Variants in TINAG observed in about 807,000 individuals in gnomAD.
The protein encoded by TINAG is tubulointerstitial nephritis antigen.
In TINAG, 83 loss-of-function variants were observed where a neutral mutation model predicts 72.7. The observed-to-expected ratio is 1.14, with a 90% CI of 0.96 to 1.37. The LOEUF (loss-of-function observed/expected upper bound fraction) is 1.37. Among genes scored for constraint, TINAG ranks in the 40% most tolerant of loss-of-function variants. The pLI is 0.00. For missense variants in TINAG, 685 were observed against 576.6 expected, an observed-to-expected ratio of 1.19 and a Z score of -1.93; for synonymous variants, 234 against 189.9, an observed-to-expected ratio of 1.23 and a Z score of -1.91.
chr6:54,313,151 T>G (rs1353707), intron 1 of TINAG, among the ~76,000 whole-genome samples: 66,501 of 152,034 alleles, frequency 0.44, 16,108 homozygotes, highest in Middle Eastern at 0.58. Flanking sequence ...ACGTTTAAAA[T>G]TAGCATCTTA....
chr6:54,337,865 A>T (rs1407724356), intron 4 of TINAG, among the ~76,000 whole-genome samples: 2 of 152,124 alleles, frequency 1.3e-5, no homozygotes, highest in Non-Finnish European at 2.9e-5. Flanking sequence ...GTTACGGTGG[A>T]GACTGTGTTT....
At chr6:54,353,145 C>T (rs1317579968) in intron 8 of TINAG, among the ~76,000 whole-genome samples, 3 of 151,756 alleles carry the variant, frequency 2.0e-5, no homozygotes, top group Non-Finnish European at 4.4e-5. Context: ...AAGAAGCCAT[C>T]TTTCAGGTAA....
chr6:54,307,988 G>A, upstream of TINAG: 1 of 1,517,132 alleles, frequency 6.6e-7, no homozygotes, highest in East Asian at 2.5e-5. Flanking sequence ...GAGTACAGAT[G>A]GGAAATCAAA....
At chr6:54,370,527 TTGAG>T (rs1301401040) in intron 9 of TINAG, among the ~76,000 whole-genome samples, 1 of 152,082 alleles carries the variant, frequency 6.6e-6, no homozygotes, top group Non-Finnish European at 1.5e-5. Context: ...ACAAATTTTA[TTGAG>T]TGATGGTTGT....
At chr6:54,367,933 A>T (rs1243428525) in intron 9 of TINAG, among the ~76,000 whole-genome samples, 2 of 151,702 alleles carry the variant, frequency 1.3e-5, no homozygotes, top group African/African-American at 4.8e-5. Context: ...GGAGCTCTCT[A>T]TGGTGTCCTT....
intron 9 of TINAG, among the ~76,000 whole-genome samples, chr6:54,375,703 G>A (rs1194131959): frequency 6.6e-6 from 1 of 152,116 alleles, no homozygotes; most frequent in African/African-American, 2.4e-5. Context: ...TGCCCTAGAT[G>A]TTTAGGATAC....
intron 5 of TINAG, among the ~76,000 whole-genome samples, 175 bp downstream of exon 5, chr6:54,343,524 A>G (rs1263853038): frequency 2.7e-5 from 4 of 146,658 alleles, no homozygotes; most frequent in Non-Finnish European, 6.0e-5. Context: ...ATCCATTTTT[A>G]GTCTAAAAGT....
At chr6:54,327,959 A>G (rs1784647435) in intron 4 of TINAG, among the ~76,000 whole-genome samples, 1 of 152,194 alleles carries the variant, frequency 6.6e-6, no homozygotes, top group South Asian at 2.1e-4. Flanking sequence ...GAAAGGCAGC[A>G]GCTCCAGTCA....
At chr6:54,368,464 T>C (rs182438224) in intron 9 of TINAG, among the ~76,000 whole-genome samples, 113 of 150,616 alleles carry the variant, frequency 7.5e-4, no homozygotes, top group African/African-American at 2.6e-3. Flanking sequence ...GGTGAAGATC[T>C]AATTTTTTTC....
chr6:54,378,210 A>G (rs1052920441), intron 9 of TINAG, among the ~76,000 whole-genome samples: 1 of 152,168 alleles, frequency 6.6e-6, no homozygotes, highest in South Asian at 2.1e-4. Flanking sequence ...TGAATTTTGC[A>G]TAAAGGTTAA....
chr6:54,313,915 T>C lies in TINAG; in HGVS notation c.355+5010T>C, dbSNP rs192365026. 1.2e-4 allele frequency among the ~76,000 whole-genome samples: 18 copies of C among 152,256 alleles called. No homozygotes were observed. In the East Asian group the frequency reaches 1.4e-3, roughly 11 times the overall value. Reference sequence around the variant, plus strand: ...TTGGATGTTGGAATATCAACAGGAGTAATCGATAGTATTTAAAACTTTTTA... The same window carrying C: ...TTGGATGTTGGAATATCAACAGGAGCAATCGATAGTATTTAAAACTTTTTA... On this transcript the variant is annotated intron_variant, in intron 1 of 10. Transcript: ENST00000259782.
intron 9 of TINAG, chr6:54,366,989 A>G (rs1292476057): frequency 6.6e-6 from 1 of 151,688 alleles, no homozygotes; most frequent in East Asian, 1.9e-4. Context: ...TCTTCTATTT[A>G]ATGATGACTA....
At chr6:54,363,061 A>G (rs1380634595) in intron 9 of TINAG, among the ~76,000 whole-genome samples, 1 of 151,540 alleles carries the variant, frequency 6.6e-6, no homozygotes, top group Non-Finnish European at 1.5e-5. Flanking sequence ...CTGAGCTGGG[A>G]TTTATGGGTT....
At chr6:54,358,534 CA>C (rs34091915) in intron 9 of TINAG, among the ~76,000 whole-genome samples, 19,322 of 112,784 alleles carry the variant, frequency 0.17, 1,382 homozygotes, top group Non-Finnish European at 0.23. Flanking sequence ...AGTTATTCGT[CA>C]AAAAAAAAAA....
At chr6:54,365,830 T>C (rs1582745621) in intron 9 of TINAG, among the ~76,000 whole-genome samples, 2 of 151,672 alleles carry the variant, frequency 1.3e-5, no homozygotes, top group Non-Finnish European at 1.5e-5. Flanking sequence ...TGTTCTCTCT[T>C]TAGAGAGTCT....
intron 7 of TINAG, among the ~76,000 whole-genome samples, chr6:54,350,860 G>A (rs1036606948): frequency 6.6e-6 from 1 of 151,558 alleles, no homozygotes; most frequent in African/African-American, 2.4e-5. Flanking sequence ...TAGGTGCAGG[G>A]TCAATATTTG....
At chr6:54,384,081 T>A (rs1191002829) in intron 10 of TINAG, among the ~76,000 whole-genome samples, 1 of 152,108 alleles carries the variant, frequency 6.6e-6, no homozygotes, top group African/African-American at 2.4e-5. Flanking sequence ...GAAACCATCA[T>A]TCTCAGCAAA....
In TINAG at chr6:54,314,038, T is replaced by A. The variant is rs184744184; in HGVS notation, c.355+5133T>A. 8.5e-5 allele frequency among the ~76,000 whole-genome samples: 13 copies of A among 152,254 alleles called. No individual in the cohort carries two copies. The East Asian group carries it at 2.3e-3, about 27-fold the overall frequency. ...TTAGGATCTACATGGGTAAGGAGAC[T>A]TAGGTATGCGAAACAATTAAGAAGC... On this transcript the variant is annotated intron_variant, in intron 1 of 10. Transcript: ENST00000259782.
rs142053766 is a variant in TINAG, at chr6:54,353,830, A to G, written c.1127-683A>G. 7.2e-5 allele frequency among the ~76,000 whole-genome samples: 11 copies of G among 151,974 alleles called. No homozygotes were observed. In the East Asian group the frequency reaches 1.6e-3, roughly 21 times the overall value. On this transcript the variant is annotated intron_variant, in intron 8 of 10. Coordinates refer to ENST00000259782, the MANE Select transcript of TINAG (RefSeq NM_014464.4). ...ATCCCAATTAAAAATTTTCAAATTC[A>G]TATCTTCTATAAGAGAAGTTTAAAG...
Sources: allele counts gnomAD v4.1 joint callset (sites outside exome capture counted in the v4.1 genomes callset), GRCh38; gene constraint gnomAD v4.1.1; transcripts MANE v1.5; gene names NCBI Gene and HGNC (gene_info 2026-07-23, HGNC 2026-07-21).